The following PRKG1 variants were observed in gnomAD, a reference collection of about 807,000 sequenced individuals.
PRKG1 encodes cGMP-dependent protein kinase 1.
A neutral mutation model predicts 88.1 loss-of-function variants in PRKG1; 35 were observed. The ratio of observed to expected loss-of-function variants is 0.40; its 90% confidence interval spans 0.30 to 0.53. The LOEUF (loss-of-function observed/expected upper bound fraction) is 0.53. Ranked by LOEUF, PRKG1 falls within the 20% of genes least tolerant of loss-of-function variation. PRKG1 has a pLI of 0.59. For synonymous variants in PRKG1, 303 were observed against 292.5 expected (o/e 1.04, Z -0.37); for missense variants, 540 against 839.8 (o/e 0.64, Z 4.41).
intron 3 of PRKG1, among the ~76,000 whole-genome samples, chr10:51,648,225 C>T (rs951038215): frequency 2.0e-5 from 3 of 152,124 alleles, no homozygotes; most frequent in African/African-American, 7.2e-5. Context: ...AAAAATCTAA[C>T]ACTTAGAAAG....
intron 3 of PRKG1, among the ~76,000 whole-genome samples, chr10:51,468,751 G>A (rs1334777975): frequency 1.3e-5 from 2 of 151,718 alleles, no homozygotes; most frequent in African/African-American, 4.8e-5. Context: ...AGTACATTGT[G>A]AATTTCAATT....
chr10:51,385,485 CCCATT>C (rs1404022239), intron 2 of PRKG1, among the ~76,000 whole-genome samples: 2 of 152,180 alleles, frequency 1.3e-5, no homozygotes, highest in East Asian at 1.9e-4. Context: ...CCCACAGTAG[CCCATT>C]CCATTCCTGT....
chr10:51,414,523 T>C (rs544388847), intron 2 of PRKG1, among the ~76,000 whole-genome samples: 9 of 152,324 alleles, frequency 5.9e-5, no homozygotes, highest in African/African-American at 2.2e-4. Context: ...AAGCTCTGAA[T>C]TGGAGTCATT....
intron 1 of PRKG1, among the ~76,000 whole-genome samples, chr10:51,101,847 C>T (rs1844690515): frequency 6.6e-6 from 1 of 152,162 alleles, no homozygotes; most frequent in Non-Finnish European, 1.5e-5. Context: ...TCACCAGTTA[C>T]CCCTGGGCCT....
At chr10:51,521,082 T>C (rs927707375) in intron 3 of PRKG1, among the ~76,000 whole-genome samples, 2 of 151,906 alleles carry the variant, frequency 1.3e-5, no homozygotes, top group East Asian at 1.9e-4. Flanking sequence ...TAGGTCGGGG[T>C]TCAAAACCAG....
intron 5 of PRKG1, among the ~76,000 whole-genome samples, chr10:52,045,998 G>A (rs921719405): frequency 3.3e-5 from 5 of 152,068 alleles, no homozygotes; most frequent in African/African-American, 1.2e-4. Flanking sequence ...TGAGATTCTG[G>A]TTTTGACTCT....
chr10:51,901,707 G>A (rs1399866763), intron 4 of PRKG1, among the ~76,000 whole-genome samples: 1 of 152,180 alleles, frequency 6.6e-6, no homozygotes, highest in South Asian at 2.1e-4. Context: ...AAGTCTGAAT[G>A]ATTTGTCTCA....
chr10:51,001,174 C>T (rs1001184393), intron 1 of PRKG1, among the ~76,000 whole-genome samples: 3 of 152,200 alleles, frequency 2.0e-5, no homozygotes, highest in African/African-American at 7.2e-5. Context: ...AAGAGGCCAG[C>T]CTAGAAATAA....
At chr10:51,205,918 A>C (rs1838046794) in intron 2 of PRKG1, among the ~76,000 whole-genome samples, 1 of 152,204 alleles carries the variant, frequency 6.6e-6, no homozygotes. Context: ...TATACTTGTA[A>C]GGGTATACTA....
intron 7 of PRKG1, among the ~76,000 whole-genome samples, chr10:52,098,160 A>G (rs1847215815): frequency 6.6e-6 from 1 of 152,222 alleles, no homozygotes; most frequent in South Asian, 2.1e-4. Context: ...AACTGAAGCA[A>G]TAATCATTTC....
intron 3 of PRKG1, among the ~76,000 whole-genome samples, chr10:51,774,467 G>C (rs1193777058): frequency 6.6e-6 from 1 of 151,824 alleles, no homozygotes; most frequent in African/African-American, 2.4e-5. Context: ...TAAATTCAAA[G>C]GCCAAAACAT....
intron 3 of PRKG1, among the ~76,000 whole-genome samples, chr10:51,763,603 C>CA (rs34657565): frequency 0.012 from 1,475 of 124,008 alleles, 18 homozygotes; most frequent in African/African-American, 0.037. Context: ...TGATCAAATG[C>CA]AAAAAAAAAA....
intron 8 of PRKG1, among the ~76,000 whole-genome samples, chr10:52,153,789 AGGCTGGAG>A (rs1838007727): frequency 6.6e-6 from 1 of 152,156 alleles, no homozygotes; most frequent in Non-Finnish European, 1.5e-5. Context: ...CTTGTTGCCC[AGGCTGGAG>A]TGCAATGGCA....
chr10:51,545,441 C>T (rs61849828), intron 3 of PRKG1, among the ~76,000 whole-genome samples: 8,391 of 152,204 alleles, frequency 0.055, 353 homozygotes, highest in Middle Eastern at 0.085. Flanking sequence ...TAATAACCAG[C>T]TCTTTTCCTA....
At chr10:52,030,509 A>G (rs969157516) in intron 5 of PRKG1, among the ~76,000 whole-genome samples, 1 of 152,220 alleles carries the variant, frequency 6.6e-6, no homozygotes, top group Non-Finnish European at 1.5e-5. Flanking sequence ...ATGCATTCAC[A>G]TGATGGTTTT....
intron 2 of PRKG1, among the ~76,000 whole-genome samples, chr10:51,374,112 A>ATATATATATATATATATATGTG (rs886440031): frequency 2.8e-5 from 4 of 143,804 alleles, no homozygotes; most frequent in African/African-American, 1.0e-4. Flanking sequence ...ATATATATAT[A>ATATATATATATATATATATGTG]TGTACTTTAA....
chr10:51,731,120 C>T (rs1842262644), intron 3 of PRKG1, among the ~76,000 whole-genome samples: 1 of 152,140 alleles, frequency 6.6e-6, no homozygotes, highest in Admixed American at 6.5e-5. Flanking sequence ...GATGCCACTG[C>T]ACTCCAGGGT....
At chr10:51,171,908 T>G (rs1209469709) in intron 2 of PRKG1, among the ~76,000 whole-genome samples, 1 of 152,120 alleles carries the variant, frequency 6.6e-6, no homozygotes, top group Non-Finnish European at 1.5e-5. Context: ...ATAGTGTGTT[T>G]CCTCCTGTGT....
intron 9 of PRKG1, among the ~76,000 whole-genome samples, chr10:52,200,679 C>T (rs1489055264): frequency 6.6e-6 from 1 of 152,108 alleles, no homozygotes; most frequent in African/African-American, 2.4e-5. Context: ...CCACTAGCAG[C>T]GTGTAAGTGT....
Sources: allele counts gnomAD v4.1 joint callset (sites outside exome capture counted in the v4.1 genomes callset), GRCh38; gene constraint gnomAD v4.1.1; transcripts MANE v1.5; gene names NCBI Gene and HGNC (gene_info 2026-07-23, HGNC 2026-07-21).